ADGRB3: variants seen among roughly 807,000 people sequenced by gnomAD.
The protein encoded by ADGRB3 is brain-specific angiogenesis inhibitor 3.
ADGRB3 carries 37 observed loss-of-function variants against 193.4 expected under a neutral mutation model. That is an observed-to-expected ratio of 0.19 (90% CI 0.15 to 0.25). ADGRB3 has a LOEUF of 0.25. Among genes scored for constraint, ADGRB3 ranks in the 10% least tolerant of loss-of-function variants. ADGRB3 has a pLI of 1.00. For missense variants in ADGRB3, 1,637 were observed against 1,852.9 expected, an observed-to-expected ratio of 0.88 and a Z score of 2.14; for synonymous variants, 690 against 644.2, an observed-to-expected ratio of 1.07 and a Z score of -1.08.
At chr6:68,671,955 C>A (rs1768972310) in intron 3 of ADGRB3, among the ~76,000 whole-genome samples, 2 of 151,846 alleles carry the variant, frequency 1.3e-5, no homozygotes, top group African/African-American at 4.8e-5. Context: ...TATTATTGGT[C>A]TGTTCAGGTA....
intron 3 of ADGRB3, among the ~76,000 whole-genome samples, chr6:68,841,895 G>T (rs1286482494): frequency 6.6e-6 from 1 of 151,554 alleles, no homozygotes; most frequent in Non-Finnish European, 1.5e-5. Flanking sequence ...GTGTGGCAAG[G>T]AGTGGGATTG....
intron 3 of ADGRB3, among the ~76,000 whole-genome samples, chr6:68,675,437 A>G (rs1409494202): frequency 6.6e-6 from 1 of 152,168 alleles, no homozygotes; most frequent in Non-Finnish European, 1.5e-5. Flanking sequence ...TTATAACTGG[A>G]CTTAAAATTC....
intron 20 of ADGRB3, among the ~76,000 whole-genome samples, chr6:69,259,412 T>C (rs1229739312): frequency 2.0e-5 from 3 of 152,178 alleles, no homozygotes; most frequent in Non-Finnish European, 4.4e-5. Flanking sequence ...ACTTCTAAAA[T>C]GGGCTGGGCG....
chr6:68,946,189 C>T (rs1378671714), intron 6 of ADGRB3, among the ~76,000 whole-genome samples: 3 of 152,026 alleles, frequency 2.0e-5, no homozygotes, highest in Admixed American at 2.0e-4. Context: ...ACTCTAATAA[C>T]TAGGATTTTT....
At chr6:68,760,897 A>G (rs769796480) in intron 3 of ADGRB3, among the ~76,000 whole-genome samples, 3 of 152,236 alleles carry the variant, frequency 2.0e-5, no homozygotes, top group Non-Finnish European at 2.9e-5. Context: ...TATGTGGCAT[A>G]TAGTGGAAAC....
At chr6:69,133,399 G>A (rs545329786) in intron 17 of ADGRB3, among the ~76,000 whole-genome samples, 1 of 152,138 alleles carries the variant, frequency 6.6e-6, no homozygotes, top group South Asian at 2.1e-4. Context: ...GTGAATGGGA[G>A]TTCACTCATG....
At chr6:69,094,692 A>G (rs1328130119) in intron 17 of ADGRB3, among the ~76,000 whole-genome samples, 2 of 152,190 alleles carry the variant, frequency 1.3e-5, no homozygotes, top group South Asian at 4.1e-4. Flanking sequence ...TCTATATAGA[A>G]GATAATATTA....
At chr6:69,062,874 G>A (rs117844209) in intron 15 of ADGRB3, 60 bp from the exon 16 acceptor site, 1 of 1,221,066 alleles carries the variant, frequency 8.2e-7, no homozygotes, top group Non-Finnish European at 1.2e-6. Flanking sequence ...GTATTGAGCA[G>A]TAGGAATTTA....
At chr6:68,725,668 G>A (rs1765659647) in intron 3 of ADGRB3, among the ~76,000 whole-genome samples, 4 of 151,494 alleles carry the variant, frequency 2.6e-5, no homozygotes, top group Admixed American at 2.6e-4. Context: ...CAATATTTAG[G>A]GAGCATAAAA....
rs536389354 is a variant in ADGRB3, at chr6:69,371,804, A to C, written c.4240-602A>C. On this transcript the variant is annotated intron_variant, in intron 29 of 31. Coordinates refer to ENST00000370598, the MANE Select transcript of ADGRB3 (RefSeq NM_001704.3). ...ACATCTACATTTTACTGGGGTGCGGAATAGTTTGTTTTGCTGAACTAGAAC... is the reference window on the plus strand; with the variant it reads ...ACATCTACATTTTACTGGGGTGCGGCATAGTTTGTTTTGCTGAACTAGAAC... Among the ~76,000 whole-genome samples, 3 of 152,166 alleles carry C rather than the reference A, an allele frequency of 2.0e-5. No homozygotes were observed. The South Asian group carries it at 6.2e-4, about 32-fold the overall frequency.
chr6:69,380,986 T>C (rs1769935643), intron 30 of ADGRB3, among the ~76,000 whole-genome samples: 1 of 151,948 alleles, frequency 6.6e-6, no homozygotes, highest in Admixed American at 6.6e-5. Context: ...AAAATGAAAT[T>C]TGTAAGTTAG....
chr6:69,065,049 A>G (rs539955113), intron 16 of ADGRB3, among the ~76,000 whole-genome samples: 1 of 152,306 alleles, frequency 6.6e-6, no homozygotes, highest in East Asian at 1.9e-4. Context: ...TACTGGAATG[A>G]CAATGAAAGT....
chr6:69,249,586 T>A (rs1395104399), intron 20 of ADGRB3, among the ~76,000 whole-genome samples: 1 of 152,166 alleles, frequency 6.6e-6, no homozygotes, highest in African/African-American at 2.4e-5. Flanking sequence ...AAAATAGAGA[T>A]GGCAGAGTCA....
chr6:69,032,532 A>G (rs969455673), intron 13 of ADGRB3, among the ~76,000 whole-genome samples: 1 of 152,218 alleles, frequency 6.6e-6, no homozygotes, highest in East Asian at 1.9e-4. Flanking sequence ...CTATTTAACA[A>G]TAACCCGTGA....
chr6:68,688,627 A>C (rs545824023), intron 3 of ADGRB3, among the ~76,000 whole-genome samples: 28 of 152,318 alleles, frequency 1.8e-4, no homozygotes, highest in South Asian at 6.2e-4. Flanking sequence ...GTCTTTATTA[A>C]TTATAACTGA....
At chr6:69,094,083 G>A (rs570027533) in intron 17 of ADGRB3, among the ~76,000 whole-genome samples, 1 of 152,268 alleles carries the variant, frequency 6.6e-6, no homozygotes, top group Admixed American at 6.5e-5. Flanking sequence ...TTTGCACAGT[G>A]GAGGCAAGGT....
At chr6:68,789,552 G>A (rs1767055953) in intron 3 of ADGRB3, among the ~76,000 whole-genome samples, 2 of 152,144 alleles carry the variant, frequency 1.3e-5, no homozygotes, top group African/African-American at 4.8e-5. Flanking sequence ...TTCCCTTTGT[G>A]GGTAATCCGA....
Position 69,332,149 on chromosome 6 carries a change from C to T in ADGRB3, c.3103-774C>T, listed in dbSNP as rs934443554. 5 of 985,172 alleles carry T rather than the reference C, an allele frequency of 5.1e-6. No individual in the cohort carries two copies. In the African/African-American group the frequency reaches 5.2e-5, roughly 10 times the overall value. 61.0% of individuals were successfully genotyped at this position (985,172 alleles called of 1,614,324 possible). On this transcript the variant is annotated intron_variant, in intron 23 of 31. Transcript: ENST00000370598. ...AAGTGTTGGTAGATTAGAGAACTGT[C>T]GGGGCTCATCATAAGCTGGTACAAA...
At chr6:68,720,996 G>A (rs1765565947) in intron 3 of ADGRB3, among the ~76,000 whole-genome samples, 1 of 151,784 alleles carries the variant, frequency 6.6e-6, no homozygotes, top group African/African-American at 2.4e-5. Flanking sequence ...AAATGGATGT[G>A]GAGAAATAGG....
Sources: allele counts gnomAD v4.1 joint callset (sites outside exome capture counted in the v4.1 genomes callset), GRCh38; gene constraint gnomAD v4.1.1; transcripts MANE v1.5; gene names NCBI Gene and HGNC (gene_info 2026-07-23, HGNC 2026-07-21).